TAOK1: variants seen among roughly 807,000 people sequenced by gnomAD.
The protein encoded by TAOK1 is serine/threonine-protein kinase TAO1.
Under a neutral mutation model 138.3 loss-of-function variants are expected in TAOK1, and 21 were observed. That is an observed-to-expected ratio of 0.15 (90% CI 0.11 to 0.22). The LOEUF is 0.22. Ranked by LOEUF, TAOK1 falls within the 10% of genes least tolerant of loss-of-function variation. The pLI is 1.00. For missense variants in TAOK1, 651 were observed against 1,227.7 expected (o/e 0.53, Z 7.02); for synonymous variants, 361 against 398.4 (o/e 0.91, Z 1.12).
chr17:29,467,173 T>C lies in TAOK1; in HGVS notation c.161T>C (p.Val54Ala). 1 of 1,605,748 alleles carries C rather than the reference T, an allele frequency of 6.2e-7. No homozygotes were observed. Among genetic ancestry groups the C allele is most frequent in the Non-Finnish European group, 8.5e-7 (1 of 1,174,758 alleles). Reference protein sequence around the residue: ...FARDVRTNEVVAIKKMSYSGK... With the variant: ...FARDVRTNEVAAIKKMSYSGK... ...CGAGATGTGCGTACCAATGAAGTGG[T>C]GGCCATCAAGAAAATGTCTTATAGT... The change falls in exon 3 of 20, where the codon GTG (valine) becomes GCG (alanine). Residue 54 changes from valine to alanine, a missense_variant. Physicochemically the swap from Val to Ala is moderately conservative, Grantham distance 64. Transcript: ENST00000261716.
At chr17:29,438,770 CAA>C (rs1886887710) in intron 1 of TAOK1, among the ~76,000 whole-genome samples, 3 of 152,182 alleles carry the variant, frequency 2.0e-5, no homozygotes, top group South Asian at 2.1e-4. Flanking sequence ...TACTGTCTAA[CAA>C]GAGACAACAG....
At chr17:29,499,883 A>C (rs930282069) in intron 12 of TAOK1, among the ~76,000 whole-genome samples, 2 of 152,124 alleles carry the variant, frequency 1.3e-5, no homozygotes, top group Non-Finnish European at 2.9e-5. Context: ...ATAAAGCTGA[A>C]TGTAATTGTA....
At chr17:29,527,072 G>A (rs2032024408) in intron 17 of TAOK1, among the ~76,000 whole-genome samples, 2 of 152,090 alleles carry the variant, frequency 1.3e-5, no homozygotes, top group African/African-American at 4.8e-5. Flanking sequence ...GTTGCAGTGA[G>A]CTGAGGTAGC....
At chr17:29,481,614 CTCTT>C (rs1024763782) in intron 7 of TAOK1, among the ~76,000 whole-genome samples, 2 of 151,998 alleles carry the variant, frequency 1.3e-5, no homozygotes, top group African/African-American at 4.8e-5. Flanking sequence ...CCTTGGGAGC[CTCTT>C]TCTTTTGGGG....
chr17:29,524,819 G>A (rs2031981167), intron 17 of TAOK1, among the ~76,000 whole-genome samples: 1 of 152,144 alleles, frequency 6.6e-6, no homozygotes, highest in Non-Finnish European at 1.5e-5. Flanking sequence ...TTGTGGGGGT[G>A]GGGTGCTGTT....
At chr17:29,485,290 G>A (rs1262306228) in intron 8 of TAOK1, among the ~76,000 whole-genome samples, 1 of 152,022 alleles carries the variant, frequency 6.6e-6, no homozygotes, top group Non-Finnish European at 1.5e-5. Context: ...TATATGTTTA[G>A]GGTATAAAAT....
intron 1 of TAOK1, chr17:29,445,357 T>C (rs2030052806): frequency 6.6e-6 from 1 of 152,388 alleles, no homozygotes; most frequent in Non-Finnish European, 1.5e-5. Flanking sequence ...GCCATGCTGA[T>C]CTTCTTATTC....
At chr17:29,473,268 A>G (rs1440716380) in intron 3 of TAOK1, among the ~76,000 whole-genome samples, 1 of 152,164 alleles carries the variant, frequency 6.6e-6, no homozygotes, top group African/African-American at 2.4e-5. Flanking sequence ...GAAACCAGGC[A>G]TTTCATAGTT....
chr17:29,482,424 T>C, intron 8 of TAOK1, 136 bp downstream of exon 8: 1 of 690,748 alleles, frequency 1.4e-6, no homozygotes, highest in Non-Finnish European at 2.4e-6. Context: ...TATTAAGGTT[T>C]TCACTTTGGT....
intron 19 of TAOK1, among the ~76,000 whole-genome samples, chr17:29,535,964 C>T (rs975167477): frequency 1.7e-4 from 26 of 152,136 alleles, no homozygotes; most frequent in Middle Eastern, 3.2e-3. Context: ...GTATTTGCAT[C>T]TAAATATTAT....
intron 1 of TAOK1, chr17:29,404,081 T>A (rs997872423): frequency 1.3e-5 from 2 of 152,176 alleles, no homozygotes; most frequent in Admixed American, 6.6e-5. Flanking sequence ...TGGCTGGGCA[T>A]GTAAAAAATA....
intron 1 of TAOK1, among the ~76,000 whole-genome samples, chr17:29,405,170 T>C (rs146306524): frequency 0.037 from 5,616 of 152,162 alleles, 362 homozygotes; most frequent in African/African-American, 0.13. Flanking sequence ...ATATTTTTAG[T>C]AGAGATGGGG....
intron 6 of TAOK1, 63 bp from the exon 7 acceptor site, chr17:29,480,305 T>C: frequency 1.7e-6 from 2 of 1,196,482 alleles, no homozygotes; most frequent in Non-Finnish European, 2.4e-6. Context: ...GTTTTATTTT[T>C]ATCGTTTTAA....
intron 2 of TAOK1, among the ~76,000 whole-genome samples, chr17:29,454,660 T>G (rs575437797): frequency 1.9e-4 from 29 of 152,266 alleles, no homozygotes; most frequent in African/African-American, 7.0e-4. Context: ...GTTGCAAATG[T>G]TTCACCTCCA....
intron 3 of TAOK1, among the ~76,000 whole-genome samples, chr17:29,472,202 T>C (rs2030834215): frequency 6.6e-6 from 1 of 152,070 alleles, no homozygotes; most frequent in Non-Finnish European, 1.5e-5. Context: ...CTCAATTTAC[T>C]TTGCCCATAT....
chr17:29,396,490 C>G (rs536614590), intron 1 of TAOK1, among the ~76,000 whole-genome samples: 5 of 152,082 alleles, frequency 3.3e-5, no homozygotes, highest in Non-Finnish European at 7.3e-5. Flanking sequence ...CACTTAATTA[C>G]CGTCTAATTT....
chr17:29,503,122 C>T (rs1341821484), intron 13 of TAOK1, among the ~76,000 whole-genome samples: 1 of 152,038 alleles, frequency 6.6e-6, no homozygotes, highest in Non-Finnish European at 1.5e-5. Context: ...GTGGGCCGGG[C>T]ACAGTGGCTC....
intron 1 of TAOK1, chr17:29,424,635 A>G (rs941492656): frequency 6.6e-5 from 10 of 152,034 alleles, no homozygotes; most frequent in African/African-American, 2.2e-4. Context: ...GGAGATGCCT[A>G]TTTTTGTGTC....
chr17:29,540,789 C>T (rs989341289), intron 19 of TAOK1, among the ~76,000 whole-genome samples: 1 of 150,536 alleles, frequency 6.6e-6, no homozygotes, highest in African/African-American at 2.5e-5. Flanking sequence ...AGGCTGGTCT[C>T]GAACTCCCAA....
Sources: gnomAD v4.1 joint callset for allele counts (sites outside exome capture counted in the v4.1 genomes callset) on GRCh38, gnomAD v4.1.1 for gene constraint, MANE v1.5 for transcripts, NCBI Gene and HGNC (gene_info 2026-07-23, HGNC 2026-07-21) for gene names.